MAP3K7: variants seen among roughly 807,000 people sequenced by gnomAD.
MAP3K7 encodes the protein TGF-beta activated kinase 1.
Under a neutral mutation model 84.8 loss-of-function variants are expected in MAP3K7, and 21 were observed. The ratio of observed to expected loss-of-function variants is 0.25; its 90% confidence interval spans 0.18 to 0.36. The LOEUF is 0.36. Among genes scored for constraint, MAP3K7 ranks in the 10% least tolerant of loss-of-function variants. The pLI is 1.00. For missense variants in MAP3K7, 503 were observed against 747.7 expected (o/e 0.67, Z 3.82); for synonymous variants, 241 against 247.7 (o/e 0.97, Z 0.25).
chr6:90,566,068 A>G (rs999438026), intron 3 of MAP3K7, among the ~76,000 whole-genome samples: 6 of 152,172 alleles, frequency 3.9e-5, no homozygotes, highest in African/African-American at 1.4e-4. Flanking sequence ...GTATCTCAAA[A>G]TAATAAGAGC....
chr6:90,539,343 T>C (rs1775781800), intron 12 of MAP3K7, among the ~76,000 whole-genome samples: 1 of 151,908 alleles, frequency 6.6e-6, no homozygotes, highest in Admixed American at 6.6e-5. Context: ...AAAGTTAGAT[T>C]AACTTCCCTA....
intron 12 of MAP3K7, among the ~76,000 whole-genome samples, chr6:90,537,854 C>T (rs781057802): frequency 1.3e-5 from 2 of 151,868 alleles, no homozygotes; most frequent in East Asian, 1.9e-4. Context: ...CTAAAATTAG[C>T]GGTGATGAGA....
At chr6:90,534,945 CT>C (rs1350613325) in intron 13 of MAP3K7, among the ~76,000 whole-genome samples, 1 of 152,050 alleles carries the variant, frequency 6.6e-6, no homozygotes, top group Admixed American at 6.6e-5. Flanking sequence ...CTGATTAAAA[CT>C]TTTAAGTATC....
At chr6:90,533,915 G>C (rs541757639) in intron 13 of MAP3K7, among the ~76,000 whole-genome samples, 5 of 152,234 alleles carry the variant, frequency 3.3e-5, no homozygotes, top group Admixed American at 1.3e-4. Flanking sequence ...TGTTTAAAAA[G>C]CTTCCTGAAT....
chr6:90,526,024 CT>C (rs1418085335), intron 13 of MAP3K7, among the ~76,000 whole-genome samples: 1 of 152,020 alleles, frequency 6.6e-6, no homozygotes. Context: ...AATTTTTAAA[CT>C]TTTTGTAGAG....
intron 3 of MAP3K7, among the ~76,000 whole-genome samples, chr6:90,564,883 G>A (rs1471412965): frequency 6.6e-6 from 1 of 152,190 alleles, no homozygotes; most frequent in East Asian, 1.9e-4. Flanking sequence ...TCTGACCACA[G>A]TGGAATCAAA....
chr6:90,518,294 A>G (rs866681616), intron 16 of MAP3K7, among the ~76,000 whole-genome samples, 153 bp downstream of exon 16: 1 of 151,806 alleles, frequency 6.6e-6, no homozygotes, highest in African/African-American at 2.4e-5. Context: ...AGTTTTGCAT[A>G]AAAAATTTTT....
intron 12 of MAP3K7, among the ~76,000 whole-genome samples, chr6:90,539,056 A>T (rs909625684): frequency 3.3e-5 from 5 of 151,962 alleles, no homozygotes; most frequent in African/African-American, 9.7e-5. Context: ...AAGATTTAAA[A>T]AAATGCATAG....
intron 5 of MAP3K7, among the ~76,000 whole-genome samples, chr6:90,556,941 A>G (rs1217505392): frequency 6.6e-6 from 1 of 152,184 alleles, no homozygotes; most frequent in East Asian, 1.9e-4. Flanking sequence ...GGTTTAAAAA[A>G]CTTCTGTTAG....
At position 90,568,005 on chromosome 6, in the gene MAP3K7, C is replaced by T. The variant is rs181723878; in HGVS notation, c.297+553G>A. On this transcript the variant is annotated intron_variant, in intron 3 of 16. Coordinates refer to ENST00000369329, the MANE Select transcript of MAP3K7 (RefSeq NM_145331.3). ...ACATGTTCTCACTCATAGATGGGAA[C>T]TGAACAATGAGAACACTTGGACACA... Among the ~76,000 whole-genome samples, 381 of 152,156 alleles carry T rather than the reference C, an allele frequency of 2.5e-3. 3 individuals carry two copies. The highest frequency in any genetic ancestry group is 8.6e-3 in the African/African-American group (357 of 41,496).
chr6:90,549,600 A>C (rs762045863), intron 9 of MAP3K7, among the ~76,000 whole-genome samples: 5 of 152,184 alleles, frequency 3.3e-5, no homozygotes, highest in Non-Finnish European at 7.3e-5. Flanking sequence ...AAAAGGACCT[A>C]AGAGGACTGA....
At position 90,580,215 on chromosome 6, in the gene MAP3K7, C is replaced by T. The variant is rs1463091255; in HGVS notation, c.120+6549G>A. On this transcript the variant is annotated intron_variant, in intron 1 of 16. Coordinates refer to ENST00000369329, the MANE Select transcript of MAP3K7 (RefSeq NM_145331.3). ...ATAAGGAATGAGCCAATGTTACAAA[C>T]TACAGAAAGCAAATTTGATATTTTT... Among the ~76,000 whole-genome samples, 6 of 152,246 alleles carry T rather than the reference C, an allele frequency of 3.9e-5. No homozygotes were observed. The South Asian group carries it at 6.2e-4, about 16-fold the overall frequency.
intron 5 of MAP3K7, among the ~76,000 whole-genome samples, chr6:90,558,036 G>A (rs1330890937): frequency 6.6e-6 from 1 of 151,928 alleles, no homozygotes; most frequent in Admixed American, 6.6e-5. Context: ...GATATAGCAG[G>A]TATTGGCCGG....
chr6:90,537,932 G>C (rs1237392201), intron 12 of MAP3K7, among the ~76,000 whole-genome samples: 1 of 151,870 alleles, frequency 6.6e-6, no homozygotes, highest in Non-Finnish European at 1.5e-5. Flanking sequence ...TTAATCTGAG[G>C]AACCACCCGA....
Position 90,536,322 on chromosome 6 carries a change from T to C in MAP3K7, c.1356+15A>G. ...TAGTATTCTTCAAAGATAGAAAATT[T>C]GAATGTTGTCTTACCTGACCAGGTT... On this transcript the variant is annotated intron_variant, in intron 13 of 16. Transcript: ENST00000369329. The C allele has an allele frequency of 6.2e-7, 1 of 1,602,322 alleles. No individual in the cohort carries two copies. The highest frequency in any genetic ancestry group is 8.5e-7 in the Non-Finnish European group (1 of 1,169,862).
At chr6:90,528,434 G>C (rs1211390989) in intron 13 of MAP3K7, among the ~76,000 whole-genome samples, 2 of 152,150 alleles carry the variant, frequency 1.3e-5, no homozygotes, top group African/African-American at 4.8e-5. Context: ...GTCTGCTTCA[G>C]ATCACTTCAA....
Position 90,550,061 on chromosome 6 carries a change from G to C in MAP3K7, c.949+407C>G, listed in dbSNP as rs1776131927. Among the ~76,000 whole-genome samples, 4 of 152,034 alleles carry C rather than the reference G, an allele frequency of 2.6e-5. No individual in the cohort carries two copies. The South Asian group carries it at 8.3e-4, about 32-fold the overall frequency. ...GGAAAACTAAGGAACTTTTAACATA[G>C]CTTCTTAAATCAGAGCCTCTGTAGA... On this transcript the variant is annotated intron_variant, in intron 9 of 16. Coordinates refer to ENST00000369329, the MANE Select transcript of MAP3K7 (RefSeq NM_145331.3).
At chr6:90,575,265 A>T (rs891589701) in intron 1 of MAP3K7, among the ~76,000 whole-genome samples, 1 of 152,212 alleles carries the variant, frequency 6.6e-6, no homozygotes. Context: ...TAGTACTTAA[A>T]AACTTTTAAA....
intron 2 of MAP3K7, among the ~76,000 whole-genome samples, chr6:90,570,713 C>G (rs758505769): frequency 1.4e-4 from 21 of 152,172 alleles, no homozygotes; most frequent in Non-Finnish European, 2.6e-4. Context: ...TTTCTTCACG[C>G]TATTACGATC....
Sources: allele counts gnomAD v4.1 joint callset (sites outside exome capture counted in the v4.1 genomes callset), GRCh38; gene constraint gnomAD v4.1.1; transcripts MANE v1.5; gene names NCBI Gene and HGNC (gene_info 2026-07-23, HGNC 2026-07-21).